LUZP1: variants seen among roughly 807,000 people sequenced by gnomAD.
The protein encoded by LUZP1 is leucine zipper protein 1.
In LUZP1, 25 loss-of-function variants were observed where a neutral mutation model predicts 71.3. The observed-to-expected ratio is 0.35, with a 90% CI of 0.26 to 0.49. The LOEUF (loss-of-function observed/expected upper bound fraction) is 0.49. Ranked by LOEUF, LUZP1 falls within the 20% of genes least tolerant of loss-of-function variation. LUZP1 has a pLI of 0.99. For missense variants in LUZP1, 1,142 were observed against 1,300.8 expected, an observed-to-expected ratio of 0.88 and a Z score of 1.88; for synonymous variants, 481 against 506.4, an observed-to-expected ratio of 0.95 and a Z score of 0.67.
chr1:23,092,150 T>C (rs751240533), exon 4 of LUZP1: 11 of 1,614,048 alleles, frequency 6.8e-6, no homozygotes, highest in Non-Finnish European at 9.3e-6. Context: ...CATTCTCAAA[T>C]AGGGAGGTTC....
chr1:23,092,879 C>G (rs1204926584), exon 4 of LUZP1: 20 of 1,613,714 alleles, frequency 1.2e-5, no homozygotes, highest in Non-Finnish European at 1.7e-5. Context: ...TCCCTTCGCT[C>G]TGGGAGGAGC....
rs201853906 is a variant in LUZP1, at chr1:23,092,741, T to G, written c.1521A>C (p.Thr507=). 8.7e-6 allele frequency: 14 copies of G among 1,614,052 alleles called. No individual in the cohort carries two copies. In the East Asian group the frequency reaches 2.9e-4, roughly 33 times the overall value. ...GGGTGGTGTCACTAAACGTTCGTGT[T>G]GTCTTCTCCACTTTTCCCTTCAGTC... The change falls in exon 4 of 5, where the codon ACA becomes ACC. Residue 507 remains threonine, a synonymous_variant. Transcript: ENST00000302291.
intron 2 of LUZP1, among the ~76,000 whole-genome samples, chr1:23,138,778 C>T (rs1159666289): frequency 6.7e-6 from 1 of 149,334 alleles, no homozygotes; most frequent in Admixed American, 6.7e-5. Flanking sequence ...TGAGTTCAGA[C>T]TGCCTAAGCT....
chr1:23,127,490 A>G (rs548592062), intron 2 of LUZP1, among the ~76,000 whole-genome samples: 32 of 152,290 alleles, frequency 2.1e-4, no homozygotes, highest in Admixed American at 8.5e-4. Context: ...CTAGGATCAA[A>G]TTCTTCAGCT....
chr1:23,114,647 A>G (rs1329284775), intron 2 of LUZP1, among the ~76,000 whole-genome samples: 1 of 152,226 alleles, frequency 6.6e-6, no homozygotes, highest in Non-Finnish European at 1.5e-5. Flanking sequence ...CCTTTTGCTC[A>G]CTTCCCTCCT....
exon 4 of LUZP1, chr1:23,091,670 C>G: frequency 6.2e-7 from 1 of 1,614,030 alleles, no homozygotes; most frequent in Non-Finnish European, 8.5e-7. Flanking sequence ...CCTTCAGGGG[C>G]CCATCTGCCA....
intron 2 of LUZP1, among the ~76,000 whole-genome samples, chr1:23,117,522 GGGGGGGGA>G (rs1644094450): frequency 9.0e-6 from 1 of 111,312 alleles, no homozygotes; most frequent in African/African-American, 3.7e-5. Context: ...GGGGGGGCGG[GGGGGGGGA>G]ACACCTTGAG....
intron 1 of LUZP1, among the ~76,000 whole-genome samples, chr1:23,175,771 C>A (rs1448731499): frequency 6.6e-6 from 1 of 152,164 alleles, no homozygotes; most frequent in Non-Finnish European, 1.5e-5. Context: ...ACATTAAACA[C>A]AATTACTTAA....
chr1:23,163,011 G>T (rs1019982927), intron 2 of LUZP1, among the ~76,000 whole-genome samples: 1 of 152,038 alleles, frequency 6.6e-6, no homozygotes, highest in Non-Finnish European at 1.5e-5. Flanking sequence ...GGAGGCCGAG[G>T]CAGGCGGATC....
In LUZP1 at chr1:23,093,951, C is replaced by A; in HGVS notation, c.311G>T (p.Arg104Leu). 2.5e-6 allele frequency: 4 copies of A among 1,614,190 alleles called. No individual in the cohort carries two copies. The highest frequency in any genetic ancestry group is 3.4e-6 in the Non-Finnish European group (4 of 1,180,020). Reference sequence around the variant, plus strand: ...CCGCTCAATCTCAGATTTCAGCTCCCGGGTGAGGTTTTCTTCCTCTTCAAG... The same window carrying A: ...CCGCTCAATCTCAGATTTCAGCTCCAGGGTGAGGTTTTCTTCCTCTTCAAG... The change falls in exon 4 of 5, where the codon CGG becomes CTG. Residue 104 changes from arginine to leucine, a missense_variant. Transcript: ENST00000302291. This position sits in a 1 kb window ranked among gnomAD's most constrained non-coding sequence, Gnocchi z 4.2.
At chr1:23,147,507 C>A (rs1309652116) in intron 2 of LUZP1, among the ~76,000 whole-genome samples, 1 of 148,142 alleles carries the variant, frequency 6.8e-6, no homozygotes, top group Non-Finnish European at 1.5e-5. Context: ...CAGGTGCTCA[C>A]ACCTGTAAAC....
At chr1:23,114,242 G>C (rs1644058888) in intron 2 of LUZP1, among the ~76,000 whole-genome samples, 1 of 152,172 alleles carries the variant, frequency 6.6e-6, no homozygotes, top group Non-Finnish European at 1.5e-5. Flanking sequence ...TTTTCTAGTG[G>C]TCCTAAATTA....
At chr1:23,111,402 A>AG (rs1037527591) in intron 2 of LUZP1, among the ~76,000 whole-genome samples, 1 of 151,658 alleles carries the variant, frequency 6.6e-6, no homozygotes, top group African/African-American at 2.4e-5. Flanking sequence ...AAAAAAAAAA[A>AG]AATTTTAATT....
intron 2 of LUZP1, among the ~76,000 whole-genome samples, chr1:23,113,515 C>T (rs1644051104): frequency 6.6e-6 from 1 of 152,182 alleles, no homozygotes; most frequent in Non-Finnish European, 1.5e-5. Flanking sequence ...AACTCCAAGA[C>T]AACCCAGATG....
rs184354615 is a variant in LUZP1 at position 23,118,039 on chromosome 1, G to A, written c.-225-8912C>T. On this transcript the variant is annotated intron_variant, in intron 2 of 4. Transcript: ENST00000302291. ...CGGGAGGTGGAGGCTGCAACGAGCT[G>A]AGATTGCGCCACTGCACTCCACCCT... is the stretch of plus-strand genomic sequence containing the variant. Among the ~76,000 whole-genome samples the A allele has an allele frequency of 2.0e-5, 3 of 152,062 alleles. No homozygotes were observed. The East Asian group carries it at 5.8e-4, about 29-fold the overall frequency.
At chr1:23,140,321 C>A (rs532353450) in intron 2 of LUZP1, 1 of 152,058 alleles carries the variant, frequency 6.6e-6, no homozygotes, top group Admixed American at 6.5e-5. Context: ...ATATGTAATA[C>A]ACATATTACA....
At chr1:23,152,236 G>A (rs1211599156) in intron 2 of LUZP1, among the ~76,000 whole-genome samples, 1 of 152,104 alleles carries the variant, frequency 6.6e-6, no homozygotes, top group Non-Finnish European at 1.5e-5. Context: ...AACTAAGGAT[G>A]ACAGTGTTTA....
At chr1:23,167,699 C>A (rs1056176629) in intron 2 of LUZP1, among the ~76,000 whole-genome samples, 1 of 152,258 alleles carries the variant, frequency 6.6e-6, no homozygotes, top group Non-Finnish European at 1.5e-5. Flanking sequence ...ACAGAGGCTC[C>A]TCCAAGGTTA....
At chr1:23,122,502 C>T (rs1569613100) in intron 2 of LUZP1, among the ~76,000 whole-genome samples, 1 of 152,162 alleles carries the variant, frequency 6.6e-6, no homozygotes, top group African/African-American at 2.4e-5. Context: ...TCCCCATTAC[C>T]AACGCCCTGA....
Sources: gnomAD v4.1 joint callset for allele counts (sites outside exome capture counted in the v4.1 genomes callset) on GRCh38, gnomAD v4.1.1 for gene constraint, Gnocchi (gnomAD v3.1) non-coding constraint, MANE v1.5 for transcripts, NCBI Gene and HGNC (gene_info 2026-07-23, HGNC 2026-07-21) for gene names.